The following ZNF222 variants were observed in gnomAD, a reference collection of about 807,000 sequenced individuals.
ZNF222 encodes zinc finger protein 222.
Under a neutral mutation model 11.6 loss-of-function variants are expected in ZNF222, and 8 were observed. The observed-to-expected ratio is 0.69, with a 90% confidence interval of 0.41 to 1.25. The LOEUF is 1.25. Ranked by LOEUF, ZNF222 falls within the 50% of genes most tolerant of loss-of-function variation. The pLI is 0.01. For synonymous variants in ZNF222, 171 were observed against 195.6 expected, an observed-to-expected ratio of 0.87 and a Z score of 1.05; for missense variants, 483 against 576.1, an observed-to-expected ratio of 0.84 and a Z score of 1.65.
rs765429359 is a variant in ZNF222 at position 44,027,520 on chromosome 19, A to T, written c.262+30A>T. 5 of 1,594,410 alleles carry T rather than the reference A, an allele frequency of 3.1e-6. No individual in the cohort carries two copies. In the South Asian group the frequency reaches 5.5e-5, roughly 18 times the overall value. On this transcript the variant is annotated intron_variant, in intron 3 of 3. Transcript: ENST00000391960. The stretch of plus-strand genomic sequence containing the variant: ...GAACCAAGCAATTGTGTGTCCCTGC[A>T]TGTGATTCCTGTTACTTCTGTCCAT...
At chr19:44,028,919 T>C (rs564339057) in intron 3 of ZNF222, among the ~76,000 whole-genome samples, 90 of 152,324 alleles carry the variant, frequency 5.9e-4, no homozygotes, top group African/African-American at 2.0e-3. Flanking sequence ...TGTAAAGTAT[T>C]TGTGTATATC....
At position 44,025,982 on chromosome 19, in the gene ZNF222, A is replaced by G. The variant is rs970046077; in HGVS notation, c.42+504A>G. ...GGGGAGCATTTAACTTTTATGGGGG[A>G]CGGCAAAACGGTCAGGGTGTTTCAC... On this transcript the variant is annotated intron_variant, in intron 1 of 3. Transcript: ENST00000391960. The surrounding 1 kb of genome is among the most constrained non-coding windows in gnomAD (Gnocchi z 4.6). 2 of 1,576,136 alleles carry G rather than the reference A, an allele frequency of 1.3e-6. No homozygotes were observed. The highest frequency in any genetic ancestry group is 2.8e-5 in the African/African-American group (2 of 72,520).
Position 44,031,706 on chromosome 19 carries a change from C to T in ZNF222, c.263-111C>T, listed in dbSNP as rs1441471422. ...CCATGTTGGCCAGGATGGTCTCAAACTCCTGACCTCACAGTCCACCCGCCT... is the reference window on the plus strand; with the variant it reads ...CCATGTTGGCCAGGATGGTCTCAAATTCCTGACCTCACAGTCCACCCGCCT... On this transcript the variant is annotated intron_variant, in intron 3 of 3. Coordinates refer to ENST00000391960, the MANE Select transcript of ZNF222 (RefSeq NM_001129996.2). 6 of 1,229,712 alleles carry T rather than the reference C, an allele frequency of 4.9e-6. No homozygotes were observed. In the East Asian group the frequency reaches 9.4e-5, roughly 19 times the overall value. The allele number at this position is 1,229,712 out of a possible 1,614,324, so 76.2% of individuals were successfully genotyped here.
intron 3 of ZNF222, among the ~76,000 whole-genome samples, chr19:44,030,331 T>C (rs867732949): frequency 6.6e-6 from 1 of 152,220 alleles, no homozygotes; most frequent in East Asian, 1.9e-4. Context: ...TTTGAAGGTA[T>C]AGATATTAAA....
rs766590856 is a variant in ZNF222 at position 44,028,139 on chromosome 19, C to T, written c.262+649C>T. ...TCTTCAAAAGCAGCTACATTGCATC[C>T]CTGACCATTCTTCCATAGTCATGCT... On this transcript the variant is annotated intron_variant, in intron 3 of 3. Transcript: ENST00000391960. 234 of 399,902 alleles carry T rather than the reference C, an allele frequency of 5.9e-4. 1 individual carries two copies. The highest frequency in any genetic ancestry group is 1.3e-3 in the Middle Eastern group (2 of 1,598). The allele number at this position is 399,902 out of a possible 1,614,324, so 24.8% of individuals were successfully genotyped here.
chr19:44,026,688 C>T (rs768138705), intron 1 of ZNF222, among the ~76,000 whole-genome samples: 2 of 151,846 alleles, frequency 1.3e-5, no homozygotes, highest in Non-Finnish European at 1.5e-5. Context: ...TCAAAGGGCC[C>T]GCGACTCAAA....
intron 1 of ZNF222, among the ~76,000 whole-genome samples, chr19:44,026,528 TTC>T (rs144596220): frequency 0.5 from 71,365 of 142,976 alleles, 21,032 homozygotes; most frequent in Non-Finnish European, 0.67. Flanking sequence ...ACTATTTTCT[TTC>T]TCTCTCTCTC....
At chr19:44,028,041 GAGA>G (rs1324108146) in intron 3 of ZNF222, among the ~76,000 whole-genome samples, 3 of 152,178 alleles carry the variant, frequency 2.0e-5, no homozygotes, top group Non-Finnish European at 4.4e-5. Context: ...TGTTCATGGG[GAGA>G]AGACTTCATT....
chr19:44,031,706 C>G, intron 3 of ZNF222, 111 bp from the exon 4 acceptor site: 1 of 1,229,830 alleles, frequency 8.1e-7, no homozygotes, highest in South Asian at 1.5e-5. Context: ...TGGTCTCAAA[C>G]TCCTGACCTC....
rs1435946125 is a variant in ZNF222, at chr19:44,027,386, G to T, written c.170-12G>T. On this transcript the variant is annotated splice_polypyrimidine_tract_variant and intron_variant, in intron 2 of 3. Coordinates refer to ENST00000391960, the MANE Select transcript of ZNF222 (RefSeq NM_001129996.2). Reference sequence around the variant, plus strand: ...ATGTTGGGATTAAGCATGTGACTTTGCCTGTTCACAGGGCATCAACCATTC... The same window carrying T: ...ATGTTGGGATTAAGCATGTGACTTTTCCTGTTCACAGGGCATCAACCATTC... 11 of 1,611,784 alleles carry T rather than the reference G, an allele frequency of 6.8e-6. No individual in the cohort carries two copies. The highest frequency in any genetic ancestry group is 9.3e-6 in the Non-Finnish European group (11 of 1,177,984).
intron 3 of ZNF222, chr19:44,031,096 CTGTT>C (rs1467196816): frequency 2.0e-5 from 3 of 152,188 alleles, no homozygotes; most frequent in Admixed American, 6.5e-5. Flanking sequence ...AATATACAAA[CTGTT>C]TATTCGTTAT....
chr19:44,027,221 TTTGA>T, intron 2 of ZNF222, 72 bp downstream of exon 2: 1 of 1,597,598 alleles, frequency 6.3e-7, no homozygotes, highest in South Asian at 1.1e-5. Context: ...GGTTTTCAAG[TTTGA>T]GTGTGCAGTG....
At chr19:44,026,742 C>T (rs1568502331) in intron 1 of ZNF222, among the ~76,000 whole-genome samples, 1 of 151,948 alleles carries the variant, frequency 6.6e-6, no homozygotes, top group Non-Finnish European at 1.5e-5. Flanking sequence ...AGCAAGCTTT[C>T]CTGAAGTGGA....
rs532658399 is a variant in ZNF222 at position 44,033,093 on chromosome 19, G to T, written c.*63G>T. 31 of 1,344,526 alleles carry T rather than the reference G, an allele frequency of 2.3e-5. No individual in the cohort carries two copies. Among genetic ancestry groups the T allele is most frequent in the Non-Finnish European group, 3.0e-5 (31 of 1,030,396 alleles). 83.3% of individuals were successfully genotyped at this position (1,344,526 alleles called of 1,614,324 possible). A position where few individuals can be genotyped will look rare whatever the true frequency, so the allele number is the denominator to read the frequency against. ...TATATAATGTGTGCTGATTAAATCA[G>T]TTTAATTTCACCTGAAACATTATTT... On this transcript the variant is annotated 3_prime_UTR_variant, in exon 4 of 4. Transcript: ENST00000391960.
intron 3 of ZNF222, among the ~76,000 whole-genome samples, chr19:44,029,104 C>T (rs928675053): frequency 6.6e-6 from 1 of 150,970 alleles, no homozygotes; most frequent in Non-Finnish European, 1.5e-5. Flanking sequence ...ACTTCTGATG[C>T]ACTGTTGGTT....
Position 44,032,850 on chromosome 19 carries a change from C to T in ZNF222, c.1296C>T (p.Cys432=). 1 of 1,613,548 alleles carries T rather than the reference C, an allele frequency of 6.2e-7. No individual in the cohort carries two copies. The highest frequency in any genetic ancestry group is 8.5e-7 in the Non-Finnish European group (1 of 1,179,928). Residue 432 remains cysteine (C), a synonymous_variant, in exon 4 of 4, where the codon TGC becomes TGT. Transcript: ENST00000391960. ...TTTTGAATCATAAGAAACTCCACTG[C>T]CAAAGAAAGCCATTGAAATGTGAAG... ...SSILNHKKLH[C]QRKPLKCEDC...
intron 3 of ZNF222, chr19:44,030,881 C>T (rs930270311): frequency 6.6e-6 from 1 of 152,184 alleles, no homozygotes; most frequent in African/African-American, 2.4e-5. Flanking sequence ...GAGTATCACC[C>T]CCCATGCCCC....
intron 3 of ZNF222, 146 bp from the exon 4 acceptor site, chr19:44,031,671 C>T: frequency 2.4e-6 from 2 of 820,676 alleles, no homozygotes; most frequent in Non-Finnish European, 3.8e-6. Flanking sequence ...TTAGTAGAGA[C>T]AGGGCATCAC....
In ZNF222 at chr19:44,032,799, G is replaced by A. The variant is rs1286015985; in HGVS notation, c.1245G>A (p.Gly415=). 1 of 1,614,056 alleles carries A rather than the reference G, an allele frequency of 6.2e-7. No homozygotes were observed. The highest frequency in any genetic ancestry group is 1.7e-5 in the Admixed American group (1 of 59,998). ...GERSYNCDNC[G]KSFRHASSIL... ...GATCTTATAACTGTGATAACTGCGGGAAGAGCTTTAGACATGCTTCTAGTA... is the reference window on the plus strand; with the variant it reads ...GATCTTATAACTGTGATAACTGCGGAAAGAGCTTTAGACATGCTTCTAGTA... The change falls in exon 4 of 4, where the codon GGG becomes GGA. Residue 415 remains glycine, a synonymous_variant. Coordinates refer to ENST00000391960, the MANE Select transcript of ZNF222 (RefSeq NM_001129996.2).
Sources: allele counts gnomAD v4.1 joint callset (sites outside exome capture counted in the v4.1 genomes callset), GRCh38; gene constraint gnomAD v4.1.1; non-coding constraint Gnocchi (gnomAD v3.1); transcripts MANE v1.5; gene names NCBI Gene and HGNC (gene_info 2026-07-23, HGNC 2026-07-21).